Variants in DZANK1 observed in about 807,000 individuals in gnomAD.
DZANK1 encodes double zinc ribbon and ankyrin repeat-containing protein 1.
DZANK1 carries 91 observed loss-of-function variants against 94.5 expected under a neutral mutation model. That is an observed-to-expected ratio of 0.96 (90% CI 0.81 to 1.15). The LOEUF is 1.15. DZANK1 is among the 50% of genes most tolerant of loss of function. The probability of loss-of-function intolerance (pLI) is 0.00; values close to 1 mark genes in which losing one functional copy is unlikely to be tolerated. For missense variants in DZANK1, 903 were observed against 916.4 expected (o/e 0.99, Z 0.19); for synonymous variants, 312 against 325.3 (o/e 0.96, Z 0.44).
exon 21 of DZANK1, chr20:18,383,422 C>A (rs1798669030): frequency 6.6e-6 from 1 of 151,970 alleles, no homozygotes; most frequent in South Asian, 2.1e-4. Context: ...AAAGAACACA[C>A]CATAATGATG....
At chr20:18,417,335 G>T (rs1486742705) in intron 10 of DZANK1, among the ~76,000 whole-genome samples, 1 of 152,220 alleles carries the variant, frequency 6.6e-6, no homozygotes, top group Non-Finnish European at 1.5e-5. Context: ...ATTTACATAA[G>T]AAGTCCTGAA....
At chr20:18,426,026 A>C (rs577949381) in intron 10 of DZANK1, among the ~76,000 whole-genome samples, 2 of 152,290 alleles carry the variant, frequency 1.3e-5, no homozygotes, top group South Asian at 4.1e-4. Flanking sequence ...GGTGCTTAGG[A>C]AACTAGTACA....
intron 17 of DZANK1, among the ~76,000 whole-genome samples, chr20:18,390,675 C>A (rs1010588511): frequency 6.6e-6 from 1 of 152,088 alleles, no homozygotes; most frequent in Admixed American, 6.5e-5. Context: ...GCAAGGTTAC[C>A]GCATGGACAC....
chr20:18,444,336 T>C (rs1464396014), intron 7 of DZANK1, among the ~76,000 whole-genome samples: 1 of 152,238 alleles, frequency 6.6e-6, no homozygotes, highest in Admixed American at 6.5e-5. Flanking sequence ...CTCTTTTCTA[T>C]GCTTAAAGCT....
intron 13 of DZANK1, among the ~76,000 whole-genome samples, chr20:18,409,162 T>C (rs2057106430): frequency 3.3e-5 from 5 of 152,024 alleles, no homozygotes; most frequent in Admixed American, 3.3e-4. Flanking sequence ...CAAAAATTTT[T>C]TAAATAAAAA....
intron 14 of DZANK1, 139 bp downstream of exon 14, chr20:18,398,384 A>C: frequency 1.4e-6 from 1 of 723,588 alleles, no homozygotes. Context: ...CTCACAAGGC[A>C]GAAGAGTAAG....
At chr20:18,415,019 T>C (rs1316950732) in intron 11 of DZANK1, among the ~76,000 whole-genome samples, 1 of 152,222 alleles carries the variant, frequency 6.6e-6, no homozygotes, top group Non-Finnish European at 1.5e-5. Flanking sequence ...ATGCGATACT[T>C]AAATAAATAC....
At chr20:18,403,314 A>C (rs1259912012) in intron 13 of DZANK1, among the ~76,000 whole-genome samples, 5 of 152,172 alleles carry the variant, frequency 3.3e-5, no homozygotes, top group Non-Finnish European at 4.4e-5. Flanking sequence ...TGAAGAACAA[A>C]GGCTACAGCT....
chr20:18,404,651 C>T lies in DZANK1; in HGVS notation c.1433-6025G>A, dbSNP rs1007637941. 2.0e-5 allele frequency among the ~76,000 whole-genome samples: 3 copies of T among 152,220 alleles called. 1 individual carries two copies. The highest frequency in any genetic ancestry group is 4.1e-4 in the South Asian group (2 of 4,826). On this transcript the variant is annotated intron_variant, in intron 13 of 20. Transcript: ENST00000262547. ...ACCCAAACACAGGGGAAAAAACATG[C>T]AACAGAAACTGCCTGTGATAGCAAC...
chr20:18,405,796 G>A (rs1045645221), intron 13 of DZANK1, among the ~76,000 whole-genome samples: 1 of 152,240 alleles, frequency 6.6e-6, no homozygotes, highest in Non-Finnish European at 1.5e-5. Flanking sequence ...GAGAAGGGCA[G>A]GAGAGACGGT....
At chr20:18,452,464 G>T in intron 6 of DZANK1, 151 bp downstream of exon 6, 1 of 851,988 alleles carries the variant, frequency 1.2e-6, no homozygotes. Context: ...TGAATACAGG[G>T]ACTTTTCTTG....
chr20:18,428,999 G>T (rs995776466), intron 9 of DZANK1, among the ~76,000 whole-genome samples: 1 of 152,168 alleles, frequency 6.6e-6, no homozygotes, highest in African/African-American at 2.4e-5. Context: ...TGCTCTCAAT[G>T]GTTCCTGACA....
At chr20:18,409,408 A>G (rs2057122707) in intron 13 of DZANK1, among the ~76,000 whole-genome samples, 1 of 152,208 alleles carries the variant, frequency 6.6e-6, no homozygotes, top group African/African-American at 2.4e-5. Flanking sequence ...CAAAGTGTTC[A>G]AAGAAAACAA....
intron 9 of DZANK1, among the ~76,000 whole-genome samples, chr20:18,428,160 A>G (rs1600958489): frequency 6.6e-6 from 1 of 151,096 alleles, no homozygotes; most frequent in South Asian, 2.1e-4. Flanking sequence ...CAAAAAAAAA[A>G]AAAAGAAAGA....
intron 10 of DZANK1, among the ~76,000 whole-genome samples, chr20:18,416,188 A>G (rs1223611193): frequency 6.6e-6 from 1 of 152,156 alleles, no homozygotes; most frequent in African/African-American, 2.4e-5. Flanking sequence ...AGAGGGTGAG[A>G]TGCACGATTA....
At position 18,413,095 on chromosome 20, in the gene DZANK1, G is replaced by C. The variant is rs138382943; in HGVS notation, c.1243-260C>G. The C allele has an allele frequency of 4.1e-5, 23 of 558,118 alleles. No individual in the cohort carries two copies. In the African/African-American group the frequency reaches 4.1e-4, roughly 10 times the overall value. 34.6% of individuals were successfully genotyped at this position (558,118 alleles called of 1,614,324 possible). On this transcript the variant is annotated intron_variant, in intron 12 of 20. Coordinates refer to ENST00000262547, the Ensembl canonical transcript of DZANK1. ...GTCAGCAAATCAAGGGGTGTTTGCC[G>C]GCCTGCTTGATGCCTGGAAGATATC...
At chr20:18,415,335 C>T in exon 11 of DZANK1, 1 of 1,563,482 alleles carries the variant, frequency 6.4e-7, no homozygotes, top group Non-Finnish European at 8.7e-7. Flanking sequence ...ACCATGGCTC[C>T]ACACCAGCCG....
At chr20:18,398,578 T>C in exon 14 of DZANK1, 1 of 1,613,946 alleles carries the variant, frequency 6.2e-7, no homozygotes, top group Non-Finnish European at 8.5e-7. Context: ...GTTCTGAGCA[T>C]AACACCTGAG....
chr20:18,388,578 C>T (rs1034031703), intron 19 of DZANK1, among the ~76,000 whole-genome samples: 4 of 152,062 alleles, frequency 2.6e-5, no homozygotes, highest in African/African-American at 9.7e-5. Flanking sequence ...TAAAATATGC[C>T]TTAACACAAA....
Sources: gnomAD v4.1 joint callset for allele counts (sites outside exome capture counted in the v4.1 genomes callset) on GRCh38, gnomAD v4.1.1 for gene constraint, MANE v1.5 for transcripts, NCBI Gene and HGNC (gene_info 2026-07-23, HGNC 2026-07-21) for gene names.